The following ZNF536 variants were observed in gnomAD, a reference collection of about 807,000 sequenced individuals.
ZNF536 encodes the protein zinc finger protein 536.
ZNF536 carries 13 observed loss-of-function variants against 84.5 expected under a neutral mutation model. The observed-to-expected ratio is 0.15, with a 90% CI of 0.10 to 0.24. The LOEUF is 0.24. Among genes scored for constraint, ZNF536 ranks in the 10% least tolerant of loss-of-function variants. The pLI, the probability that ZNF536 is intolerant of heterozygous loss-of-function variation, is 1.00. For synonymous variants in ZNF536, 811 were observed against 742.5 expected, an observed-to-expected ratio of 1.09 and a Z score of -1.50; for missense variants, 1,536 against 1,747.5, an observed-to-expected ratio of 0.88 and a Z score of 2.16.
intron 1 of ZNF536, among the ~76,000 whole-genome samples, chr19:30,571,496 G>T (rs992840048): frequency 1.3e-5 from 2 of 152,150 alleles, no homozygotes; most frequent in African/African-American, 4.8e-5. Flanking sequence ...GATGTAAAAG[G>T]CAACCTGGGA....
At chr19:30,245,407 C>T (rs1282738077) in intron 1 of ZNF536, among the ~76,000 whole-genome samples, 2 of 152,256 alleles carry the variant, frequency 1.3e-5, no homozygotes, top group Non-Finnish European at 2.9e-5. Context: ...CCTGAGGTCT[C>T]TACTCCCAGC....
chr19:30,226,396 C>T (rs73924240), upstream of ZNF536, among the ~76,000 whole-genome samples: 1 of 151,482 alleles, frequency 6.6e-6, no homozygotes, highest in Non-Finnish European at 1.5e-5. This position sits in a 1 kb window ranked among gnomAD's most constrained non-coding sequence, Gnocchi z 4.6. Context: ...TAATTTGCAA[C>T]CTTTTTTTTT....
chr19:30,290,848 C>T (rs767182051), intron 2 of ZNF536, among the ~76,000 whole-genome samples: 1 of 152,146 alleles, frequency 6.6e-6, no homozygotes, highest in Non-Finnish European at 1.5e-5. Flanking sequence ...TTGCCCCCCA[C>T]CCACCAACAG....
At chr19:30,229,369 C>A (rs1173507813) in intron 1 of ZNF536, among the ~76,000 whole-genome samples, 1 of 151,930 alleles carries the variant, frequency 6.6e-6, no homozygotes, top group African/African-American at 2.4e-5. Context: ...CCAACCCTTG[C>A]CTGATAAGGA....
chr19:30,544,553 G>A (rs1029773143), intron 3 of ZNF536, among the ~76,000 whole-genome samples: 3 of 152,136 alleles, frequency 2.0e-5, no homozygotes, highest in Admixed American at 1.3e-4. Context: ...GTGAGAGTGC[G>A]TGTGCGTGAA....
At chr19:30,291,252 G>A (rs2045831008) in intron 2 of ZNF536, among the ~76,000 whole-genome samples, 1 of 152,176 alleles carries the variant, frequency 6.6e-6, no homozygotes, top group Non-Finnish European at 1.5e-5. Context: ...AGATCCTTGA[G>A]GAATTACCAC....
chr19:30,234,015 G>A (rs938997086), intron 1 of ZNF536, among the ~76,000 whole-genome samples: 2 of 152,206 alleles, frequency 1.3e-5, no homozygotes, highest in African/African-American at 4.8e-5. Flanking sequence ...CTCCAGGTAG[G>A]TGGTGGCAGG....
chr19:30,491,959 G>C (rs1214193374), intron 2 of ZNF536, among the ~76,000 whole-genome samples: 1 of 151,728 alleles, frequency 6.6e-6, no homozygotes, highest in African/African-American at 2.4e-5. Context: ...TTTTGCTACA[G>C]TTTATGGCTC....
chr19:30,693,870 G>A (rs1406600322), intron 1 of ZNF536, among the ~76,000 whole-genome samples: 2 of 152,134 alleles, frequency 1.3e-5, no homozygotes, highest in African/African-American at 2.4e-5. Flanking sequence ...AGAGATGTGC[G>A]ATTCTTTCTC....
intron 1 of ZNF536, among the ~76,000 whole-genome samples, chr19:30,387,877 T>G (rs2049410546): frequency 6.6e-6 from 1 of 152,166 alleles, no homozygotes; most frequent in Non-Finnish European, 1.5e-5. Context: ...TTGGGGAATG[T>G]TCTCGAGACG....
At chr19:30,479,680 G>A (rs1435510765) in intron 2 of ZNF536, among the ~76,000 whole-genome samples, 1 of 152,148 alleles carries the variant, frequency 6.6e-6, no homozygotes, top group African/African-American at 2.4e-5. Flanking sequence ...TTGGGTTTTT[G>A]TCCCTGTCAC....
chr19:30,317,745 A>G (rs2046728457), intron 2 of ZNF536, among the ~76,000 whole-genome samples: 3 of 152,354 alleles, frequency 2.0e-5, no homozygotes, highest in East Asian at 1.9e-4. Context: ...TTGAGTCAAC[A>G]TTCAGAATTA....
chr19:30,492,959 G>A (rs930688646), intron 2 of ZNF536, among the ~76,000 whole-genome samples: 5 of 152,080 alleles, frequency 3.3e-5, no homozygotes, highest in Non-Finnish European at 7.4e-5. Flanking sequence ...TGTAAAAGCC[G>A]AAGACCTCTC....
intron 1 of ZNF536, among the ~76,000 whole-genome samples, chr19:30,396,557 G>A (rs181202514): frequency 5.3e-4 from 80 of 149,566 alleles, no homozygotes; most frequent in African/African-American, 1.8e-3. Context: ...TTCTACAGAT[G>A]TGTCCTGCCT....
chr19:30,590,691 C>T (rs2047246974), intron 1 of ZNF536, among the ~76,000 whole-genome samples: 1 of 152,216 alleles, frequency 6.6e-6, no homozygotes, highest in African/African-American at 2.4e-5. Context: ...GTCCAGGTCT[C>T]ACTGTACTGT....
chr19:30,443,412 A>G, intron 1 of ZNF536, 149 bp from the exon 2 acceptor site: 1 of 1,265,298 alleles, frequency 7.9e-7, no homozygotes, highest in South Asian at 2.1e-5. Context: ...TTAATAATTC[A>G]TTTTTTTATT....
chr19:30,567,501 T>C (rs548376438), intron 1 of ZNF536, among the ~76,000 whole-genome samples: 12 of 152,266 alleles, frequency 7.9e-5, no homozygotes, highest in African/African-American at 2.6e-4. Context: ...ATTTATTCAG[T>C]CATTTTCCAG....
At chr19:30,628,342 T>G (rs1217524703) in intron 1 of ZNF536, among the ~76,000 whole-genome samples, 2 of 152,164 alleles carry the variant, frequency 1.3e-5, no homozygotes, top group East Asian at 1.9e-4. Flanking sequence ...CAACTCCCTG[T>G]GCTTTCCAAC....
chr19:30,286,548 A>AG (rs1568305284), intron 2 of ZNF536, among the ~76,000 whole-genome samples: 1,087 of 92,596 alleles, frequency 0.012, 25 homozygotes, highest in African/African-American at 0.048. Context: ...GAGAGAGAGA[A>AG]AGAGAGAGAC....
Sources: gnomAD v4.1 joint callset for allele counts (sites outside exome capture counted in the v4.1 genomes callset) on GRCh38, gnomAD v4.1.1 for gene constraint, Gnocchi (gnomAD v3.1) non-coding constraint, MANE v1.5 for transcripts, NCBI Gene and HGNC (gene_info 2026-07-23, HGNC 2026-07-21) for gene names.